The following PLCG1 variants were observed in gnomAD, a reference collection of about 807,000 sequenced individuals.
The protein encoded by PLCG1 is 1-phosphatidylinositol 4,5-bisphosphate phosphodiesterase gamma-1.
PLCG1 carries 71 observed loss-of-function variants against 177.8 expected under a neutral mutation model. The observed-to-expected ratio is 0.40, with a 90% CI of 0.33 to 0.49. The LOEUF is 0.49. Ranked by LOEUF, PLCG1 falls within the 20% of genes least tolerant of loss-of-function variation. The pLI is 0.72. For missense variants in PLCG1, 1,281 were observed against 1,709.0 expected, an observed-to-expected ratio of 0.75 and a Z score of 4.42; for synonymous variants, 658 against 647.9, an observed-to-expected ratio of 1.02 and a Z score of -0.24.
At position 41,157,168 on chromosome 20, in the gene PLCG1, AATGGAAAT is replaced by A. The variant is rs1882193002; in HGVS notation, c.218-2434_218-2427del. Among the ~76,000 whole-genome samples the A allele has an allele frequency of 6.7e-6, 1 of 149,624 alleles. No individual in the cohort carries two copies. The highest frequency in any genetic ancestry group is 1.5e-5 in the Non-Finnish European group (1 of 67,878). On this transcript the variant is annotated intron_variant, in intron 1 of 31. Coordinates refer to ENST00000685551, the MANE Select transcript of PLCG1 (RefSeq NM_002660.3). This position sits in a 1 kb window ranked among gnomAD's most constrained non-coding sequence, Gnocchi z 5.4. ...ACCTGTTCTGCCTTCAACTGATCTCAATGGAAATATGTGCAGGAGTGCAGGCCTGTTGA... is the reference window on the plus strand; with the variant it reads ...ACCTGTTCTGCCTTCAACTGATCTCAATGTGCAGGAGTGCAGGCCTGTTGA...
At chr20:41,162,802 C>A in intron 6 of PLCG1, 77 bp downstream of exon 6, 1 of 1,390,404 alleles carries the variant, frequency 7.2e-7, no homozygotes, top group Non-Finnish European at 1.0e-6. Flanking sequence ...CTGCCTCAGC[C>A]CTGCTGCCCT....
intron 1 of PLCG1, among the ~76,000 whole-genome samples, chr20:41,142,803 G>A (rs6016518): frequency 0.021 from 3,174 of 152,234 alleles, 56 homozygotes; most frequent in African/African-American, 0.053. Flanking sequence ...AAAGTGCTTA[G>A]CACCTGTATA....
At position 41,153,765 on chromosome 20, in the gene PLCG1, G is replaced by T. The variant is rs1377250414; in HGVS notation, c.218-5841G>T. 6.6e-6 allele frequency among the ~76,000 whole-genome samples: 1 copy of T among 152,144 alleles called. No individual in the cohort carries two copies. The highest frequency in any genetic ancestry group is 1.5e-5 in the Non-Finnish European group (1 of 68,020). On this transcript the variant is annotated intron_variant, in intron 1 of 31. Coordinates refer to ENST00000685551, the MANE Select transcript of PLCG1 (RefSeq NM_002660.3). The surrounding 1 kb of genome is among the most constrained non-coding windows in gnomAD (Gnocchi z 5.1). ...ACAAAAATCAGCTGGGCATGGTGGT[G>T]TGCATCTGTAATCCCAGCTACTTGG...
rs538956498 is a variant in PLCG1 at position 41,146,983 on chromosome 20, A to G, written c.217+9125A>G. On this transcript the variant is annotated intron_variant, in intron 1 of 31. Coordinates refer to ENST00000685551, the MANE Select transcript of PLCG1 (RefSeq NM_002660.3). The surrounding 1 kb of genome is among the most constrained non-coding windows in gnomAD (Gnocchi z 6.3). ...GGGCAGGAGGTGAGCTAAGGAATAC[A>G]ACTCCATTCCCTCAGTTGGGAGGTT... Among the ~76,000 whole-genome samples the G allele has an allele frequency of 6.6e-6, 1 of 152,258 alleles. No homozygotes were observed. Among genetic ancestry groups the G allele is most frequent in the South Asian group, 2.1e-4 (1 of 4,820 alleles).
chr20:41,164,918 T>TC lies in PLCG1; in HGVS notation c.1218-10dup. On this transcript the variant is annotated splice_polypyrimidine_tract_variant and intron_variant, in intron 12 of 31. Transcript: ENST00000685551. The surrounding 1 kb of genome is among the most constrained non-coding windows in gnomAD (Gnocchi z 6.4). ...TGCAGAATCTGTTTCACTGTGCTTG[T>TC]CCCCCATCCCGCAGGTACCCAGTCA... 6.2e-7 allele frequency: 1 copy of TC among 1,610,492 alleles called. No homozygotes were observed. Among genetic ancestry groups the TC allele is most frequent in the South Asian group, 1.1e-5 (1 of 90,656 alleles).
In PLCG1 at chr20:41,162,240, T is replaced by TG. The variant is rs537494200; in HGVS notation, c.513-212_513-211insG. ...TTTTTGTTTGTTTTGTTTTTGTTTT[T>TG]TTTTTTTTTTTTTTTGCTCAGATGA... On this transcript the variant is annotated intron_variant, in intron 4 of 31. Coordinates refer to ENST00000685551, the MANE Select transcript of PLCG1 (RefSeq NM_002660.3). 4.8e-3 allele frequency: 1,326 copies of TG among 277,658 alleles called. 16 individuals carry two copies. The highest frequency in any genetic ancestry group is 0.013 in the Admixed American group (237 of 18,410). The allele number at this position is 277,658 out of a possible 1,614,324, so 17.2% of individuals were successfully genotyped here. A position where few individuals can be genotyped will look rare whatever the true frequency, so the allele number is the denominator to read the frequency against.
rs1290899879 is a variant in PLCG1 at position 41,146,837 on chromosome 20, C to T, written c.217+8979C>T. On this transcript the variant is annotated intron_variant, in intron 1 of 31. Coordinates refer to ENST00000685551, the MANE Select transcript of PLCG1 (RefSeq NM_002660.3). This position sits in a 1 kb window ranked among gnomAD's most constrained non-coding sequence, Gnocchi z 6.3. ...TGTGGTGGGAGAATTCCAACCCCAC[C>T]TTGACTTCAGCCTAAGGCCCAGAGA... Among the ~76,000 whole-genome samples the T allele has an allele frequency of 6.6e-6, 1 of 152,066 alleles. No individual in the cohort carries two copies. The highest frequency in any genetic ancestry group is 1.5e-5 in the Non-Finnish European group (1 of 68,004).
At position 41,163,564 on chromosome 20, in the gene PLCG1, T is replaced by C; in HGVS notation, c.891+85T>C. The C allele has an allele frequency of 8.9e-7, 1 of 1,123,786 alleles. No individual in the cohort carries two copies. The highest frequency in any genetic ancestry group is 1.4e-6 in the Non-Finnish European group (1 of 740,272). The allele number at this position is 1,123,786 out of a possible 1,614,324, so 69.6% of individuals were successfully genotyped here. On this transcript the variant is annotated intron_variant, in intron 9 of 31. Coordinates refer to ENST00000685551, the MANE Select transcript of PLCG1 (RefSeq NM_002660.3). This position sits in a 1 kb window ranked among gnomAD's most constrained non-coding sequence, Gnocchi z 5.2. ...CACCCGGGCTCCAGGAGCTAGACGC[T>C]CCTTAGGGATGCCACCTTGTTTCTA... is the stretch of plus-strand genomic sequence containing the variant.
Position 41,163,774 on chromosome 20 carries a change from A to G in PLCG1, c.951A>G (p.Val317=). Residue 317 remains valine (V), a synonymous_variant, in exon 10 of 32, where the codon GTA becomes GTG. Transcript: ENST00000685551. The surrounding 1 kb of genome is among the most constrained non-coding windows in gnomAD (Gnocchi z 5.2). ...TGTGGAACTCGCAGCTGGATGCAGT[A>G]TGCCCGGACACCATGAACAACCCTC... ...NSVWNSQLDA[V]CPDTMNNPLS... 6.2e-7 allele frequency: 1 copy of G among 1,613,938 alleles called. No individual in the cohort carries two copies. The highest frequency in any genetic ancestry group is 8.5e-7 in the Non-Finnish European group (1 of 1,179,802).
rs923027558 is a variant in PLCG1 at position 41,147,523 on chromosome 20, A to T, written c.217+9665A>T. ...AACTTCAGAGAAAGAAATCCAAGGT[A>T]GCCATCTCTCTCAGTAGGGGAGGTG... On this transcript the variant is annotated intron_variant, in intron 1 of 31. Transcript: ENST00000685551. This position sits in a 1 kb window ranked among gnomAD's most constrained non-coding sequence, Gnocchi z 4.0. Among the ~76,000 whole-genome samples the T allele has an allele frequency of 1.3e-5, 2 of 152,252 alleles. No homozygotes were observed. The highest frequency in any genetic ancestry group is 2.9e-5 in the Non-Finnish European group (2 of 68,046).
rs1404925059 is a variant in PLCG1 at position 41,150,728 on chromosome 20, C to T, written c.218-8878C>T. 6.6e-6 allele frequency among the ~76,000 whole-genome samples: 1 copy of T among 152,176 alleles called. No individual in the cohort carries two copies. Among genetic ancestry groups the T allele is most frequent in the Non-Finnish European group, 1.5e-5 (1 of 68,032 alleles). ...TGTGGAACTTAGTGGACTCCTGCACCTCTGTCTTGGTTTCCATGAACCCCT... is the reference window on the plus strand; with the variant it reads ...TGTGGAACTTAGTGGACTCCTGCACTTCTGTCTTGGTTTCCATGAACCCCT... On this transcript the variant is annotated intron_variant, in intron 1 of 31. Coordinates refer to ENST00000685551, the MANE Select transcript of PLCG1 (RefSeq NM_002660.3). The surrounding 1 kb of genome is among the most constrained non-coding windows in gnomAD (Gnocchi z 4.0).
At position 41,153,517 on chromosome 20, in the gene PLCG1, T is replaced by C. The variant is rs2035227556; in HGVS notation, c.218-6089T>C. The stretch of plus-strand genomic sequence containing the variant: ...TCTTCCTCTGTTACCCAGATGGGTC[T>C]TGAACTCCTGGCCTCAAGCAGTCCT... On this transcript the variant is annotated intron_variant, in intron 1 of 31. Transcript: ENST00000685551. This position sits in a 1 kb window ranked among gnomAD's most constrained non-coding sequence, Gnocchi z 5.1. Among the ~76,000 whole-genome samples, 2 of 152,186 alleles carry C rather than the reference T, an allele frequency of 1.3e-5. No individual in the cohort carries two copies. The highest frequency in any genetic ancestry group is 1.3e-4 in the Admixed American group (2 of 15,280).
At chr20:41,162,295 T>A in intron 4 of PLCG1, 157 bp from the exon 5 acceptor site, 2 of 316,522 alleles carry the variant, frequency 6.3e-6, no homozygotes, top group Non-Finnish European at 1.2e-5. Flanking sequence ...AGGAAGGGAC[T>A]AACCTCACCC....
Position 41,163,501 on chromosome 20 carries a change from T to A in PLCG1, c.891+22T>A. 1 of 1,558,092 alleles carries A rather than the reference T, an allele frequency of 6.4e-7. No individual in the cohort carries two copies. Among genetic ancestry groups the A allele is most frequent in the East Asian group, 2.2e-5 (1 of 44,580 alleles). On this transcript the variant is annotated intron_variant, in intron 9 of 31. Transcript: ENST00000685551. The surrounding 1 kb of genome is among the most constrained non-coding windows in gnomAD (Gnocchi z 5.2). ...TGAGGTGAGCCCGATGTTTCACCCA[T>A]TTTTTGTCAAGAGAATGAGTAGGGG...
rs2035022441 is a variant in PLCG1 at position 41,147,191 on chromosome 20, C to A, written c.217+9333C>A. On this transcript the variant is annotated intron_variant, in intron 1 of 31. Coordinates refer to ENST00000685551, the MANE Select transcript of PLCG1 (RefSeq NM_002660.3). This position sits in a 1 kb window ranked among gnomAD's most constrained non-coding sequence, Gnocchi z 4.0. ...AATGTGCCTGTGTTAGCTTGTCCATCCTAACTGGGACTGTGGCCTTTTCTT... is the reference window on the plus strand; with the variant it reads ...AATGTGCCTGTGTTAGCTTGTCCATACTAACTGGGACTGTGGCCTTTTCTT... Among the ~76,000 whole-genome samples, 1 of 152,222 alleles carries A rather than the reference C, an allele frequency of 6.6e-6. No homozygotes were observed. The highest frequency in any genetic ancestry group is 2.1e-4 in the South Asian group (1 of 4,832).
chr20:41,169,627 A>G, intron 23 of PLCG1, 101 bp downstream of exon 23: 2 of 918,658 alleles, frequency 2.2e-6, no homozygotes, highest in Non-Finnish European at 3.5e-6. Context: ...GCTGAACCCC[A>G]AAGTCTGCCC....
At position 41,144,860 on chromosome 20, in the gene PLCG1, T is replaced by TA. The variant is rs1046270385; in HGVS notation, c.217+7011dup. On this transcript the variant is annotated intron_variant, in intron 1 of 31. Coordinates refer to ENST00000685551, the MANE Select transcript of PLCG1 (RefSeq NM_002660.3). The surrounding 1 kb of genome is among the most constrained non-coding windows in gnomAD (Gnocchi z 4.1). ...TCCATCTCACCATACCTACTCTCCTTAAAAAAAAACAAAAAACTAGCTTTC... is the reference window on the plus strand; with the variant it reads ...TCCATCTCACCATACCTACTCTCCTTAAAAAAAAAACAAAAAACTAGCTTTC... Among the ~76,000 whole-genome samples the TA allele has an allele frequency of 5.1e-4, 77 of 150,316 alleles. No homozygotes were observed. Among genetic ancestry groups the TA allele is most frequent in the East Asian group, 1.4e-3 (7 of 5,126 alleles).
Position 41,164,190 on chromosome 20 carries a change from T to C in PLCG1, c.1206T>C (p.Phe402=), listed in dbSNP as rs1468233820. The change falls in exon 12 of 32, where the codon TTT becomes TTC. Residue 402 remains phenylalanine (F), a synonymous_variant. Transcript: ENST00000685551. This position sits in a 1 kb window ranked among gnomAD's most constrained non-coding sequence, Gnocchi z 6.4. ...TGCACACCATCAAGGAGCATGCCTT[T>C]GTGGCCTCAGAGTGAGTCGGAGGCT... ...DVLHTIKEHA[F]VASEYPVILS... 1 of 1,613,942 alleles carries C rather than the reference T, an allele frequency of 6.2e-7. No homozygotes were observed. The highest frequency in any genetic ancestry group is 1.3e-5 in the African/African-American group (1 of 74,886).
At position 41,144,393 on chromosome 20, in the gene PLCG1, G is replaced by T. The variant is rs2034931811; in HGVS notation, c.217+6535G>T. On this transcript the variant is annotated intron_variant, in intron 1 of 31. Coordinates refer to ENST00000685551, the MANE Select transcript of PLCG1 (RefSeq NM_002660.3). This position sits in a 1 kb window ranked among gnomAD's most constrained non-coding sequence, Gnocchi z 4.1. ...TGGCCACATGTGTTTGACCAGCCTA[G>T]ACTTCCATCTGTGGACAAGCTGGAC... Among the ~76,000 whole-genome samples the T allele has an allele frequency of 6.6e-6, 1 of 152,160 alleles. No individual in the cohort carries two copies. The highest frequency in any genetic ancestry group is 1.5e-5 in the Non-Finnish European group (1 of 68,026).
Sources: allele counts gnomAD v4.1 joint callset (sites outside exome capture counted in the v4.1 genomes callset), GRCh38; gene constraint gnomAD v4.1.1; non-coding constraint Gnocchi (gnomAD v3.1); transcripts MANE v1.5; gene names NCBI Gene and HGNC (gene_info 2026-07-23, HGNC 2026-07-21).